SPATA21: variants seen among roughly 807,000 people sequenced by gnomAD.
SPATA21 encodes the protein spermatogenesis-associated protein 21.
A neutral mutation model predicts 54.8 loss-of-function variants in SPATA21; 47 were observed. The ratio of observed to expected loss-of-function variants is 0.86; its 90% CI spans 0.68 to 1.09. The LOEUF is 1.09. SPATA21 is among the 50% of genes least tolerant of loss of function. The probability of loss-of-function intolerance (pLI) is 0.00; values close to 1 mark genes in which losing one functional copy is unlikely to be tolerated. For missense variants in SPATA21, 599 were observed against 596.4 expected, an observed-to-expected ratio of 1.00 and a Z score of -0.05; for synonymous variants, 245 against 235.3, an observed-to-expected ratio of 1.04 and a Z score of -0.38.
intron 7 of SPATA21, among the ~76,000 whole-genome samples, chr1:16,405,493 GAAAAAAAAAAAA>G (rs538611012): frequency 1.2e-5 from 1 of 81,326 alleles, no homozygotes; most frequent in African/African-American, 5.4e-5. Flanking sequence ...AAATAAAAAT[GAAAAAAAAAAAA>G]AAAAAAAAAA....
chr1:16,407,207 C>A (rs144483884), intron 7 of SPATA21, among the ~76,000 whole-genome samples: 1 of 152,060 alleles, frequency 6.6e-6, no homozygotes, highest in South Asian at 2.1e-4. Context: ...ACCTGTCGTG[C>A]GCAGGCACAC....
chr1:16,423,281 T>A (rs1355903629), intron 3 of SPATA21, among the ~76,000 whole-genome samples: 1 of 144,896 alleles, frequency 6.9e-6, no homozygotes, highest in East Asian at 2.1e-4. Flanking sequence ...GGCGTGGTGG[T>A]ACGTGCCTGT....
intron 5 of SPATA21, chr1:16,410,656 C>A: frequency 5.0e-6 from 1 of 201,742 alleles, no homozygotes; most frequent in South Asian, 5.9e-5. Context: ...CATGATTTGC[C>A]TGCCTCAGCC....
intron 3 of SPATA21, among the ~76,000 whole-genome samples, chr1:16,424,437 T>G (rs1165434282): frequency 6.6e-6 from 1 of 151,832 alleles, no homozygotes; most frequent in Admixed American, 6.6e-5. Context: ...TTATTTTTTT[T>G]GAGACAGGGT....
intron 5 of SPATA21, among the ~76,000 whole-genome samples, chr1:16,418,449 T>C (rs577242608): frequency 6.6e-5 from 10 of 151,500 alleles, no homozygotes; most frequent in Middle Eastern, 3.4e-3. Flanking sequence ...TTTTTTTGTA[T>C]TTTTAGTAGA....
chr1:16,404,373 G>T (rs1346697918), intron 8 of SPATA21, among the ~76,000 whole-genome samples: 1 of 152,166 alleles, frequency 6.6e-6, no homozygotes, highest in Non-Finnish European at 1.5e-5. Flanking sequence ...GGGAGGCTGA[G>T]GCAGGAGAAT....
intron 1 of SPATA21, among the ~76,000 whole-genome samples, chr1:16,436,734 C>G (rs1413890437): frequency 6.6e-6 from 1 of 151,854 alleles, no homozygotes; most frequent in African/African-American, 2.4e-5. Context: ...CCACTACACG[C>G]CAGCCTGGGC....
intron 5 of SPATA21, among the ~76,000 whole-genome samples, chr1:16,412,781 A>AT (rs2085888714): frequency 6.8e-6 from 1 of 146,860 alleles, no homozygotes; most frequent in Admixed American, 6.9e-5. Flanking sequence ...CAACTTAACG[A>AT]TTTTCTTTCT....
intron 3 of SPATA21, among the ~76,000 whole-genome samples, chr1:16,424,739 C>G (rs1441157971): frequency 6.6e-6 from 1 of 151,658 alleles, no homozygotes; most frequent in African/African-American, 2.4e-5. Context: ...CAAAATCTTA[C>G]AAAGGCTCAG....
rs11810107 is a variant in SPATA21 at position 16,413,002 on chromosome 1, T to A, written c.145-2959A>T. The stretch of plus-strand genomic sequence containing the variant: ...TTTCACCATGTTGGCCAGGATGGCC[T>A]GGATCTCCTGACCTCTTGATCCGCC... On this transcript the variant is annotated intron_variant, in intron 5 of 12. Transcript: ENST00000335496. 4.7e-3 allele frequency among the ~76,000 whole-genome samples: 721 copies of A among 152,074 alleles called. 3 individuals carry two copies. The highest frequency in any genetic ancestry group is 0.017 in the African/African-American group (685 of 41,466).
chr1:16,409,633 G>A lies in SPATA21; in HGVS notation c.555C>T (p.Ser185=), dbSNP rs1409336628. ...GWRRMELLHQ[S]SERTLSYAKA... ...TGGCGTAGCTCAGGGTTCTCTCGCT[G>A]CTCTGGTGCAAGAGTTCCATCCTTC... The change falls in exon 6 of 13, where the codon AGC becomes AGT. Residue 185 remains serine, a synonymous_variant. Transcript: ENST00000335496. The surrounding 1 kb of genome is among the most constrained non-coding windows in gnomAD (Gnocchi z 4.1). 1.2e-6 allele frequency: 2 copies of A among 1,612,736 alleles called. No individual in the cohort carries two copies. Among genetic ancestry groups the A allele is most frequent in the Non-Finnish European group, 1.7e-6 (2 of 1,179,986 alleles).
chr1:16,431,419 G>C lies in SPATA21; in HGVS notation c.-48C>G. The C allele has an allele frequency of 1.2e-6, 2 of 1,610,556 alleles. No homozygotes were observed. The highest frequency in any genetic ancestry group is 1.7e-6 in the Non-Finnish European group (2 of 1,178,134). On this transcript the variant is annotated 5_prime_UTR_variant, in exon 3 of 13. Coordinates refer to ENST00000335496, the MANE Select transcript of SPATA21 (RefSeq NM_198546.1). Reference sequence around the variant, plus strand: ...CCAAGTGAGGGGCATCACCTAGTGTGCTCCTACAGGAGAAATCCAATCAAG... The same window carrying C: ...CCAAGTGAGGGGCATCACCTAGTGTCCTCCTACAGGAGAAATCCAATCAAG...
chr1:16,399,505 G>T lies in SPATA21; in HGVS notation c.1191C>A (p.Ser397Arg). 6.2e-7 allele frequency: 1 copy of T among 1,613,606 alleles called. No individual in the cohort carries two copies. The highest frequency in any genetic ancestry group is 1.3e-5 in the African/African-American group (1 of 75,048). ...KQQNYAPNLQSPYAQVPCILL... is the reference protein window; with the variant it reads ...KQQNYAPNLQRPYAQVPCILL... Reference sequence around the variant, plus strand: ...GGATGCAGGGCACCTGGGCATAGGGGCTCTGCAGGTTGGGAGCTGGTGAAG... The same window carrying T: ...GGATGCAGGGCACCTGGGCATAGGGTCTCTGCAGGTTGGGAGCTGGTGAAG... Residue 397 changes from serine (S) to arginine (R), a missense_variant, in exon 12 of 13, where the codon AGC becomes AGA. Transcript: ENST00000335496.
At chr1:16,414,403 T>C (rs2085940408) in intron 5 of SPATA21, among the ~76,000 whole-genome samples, 1 of 152,132 alleles carries the variant, frequency 6.6e-6, no homozygotes, top group South Asian at 2.1e-4. Context: ...GTTAATGGTC[T>C]AGACTTTCTG....
intron 3 of SPATA21, chr1:16,427,750 G>C (rs2086358504): frequency 8.7e-7 from 1 of 1,154,358 alleles, no homozygotes; most frequent in South Asian, 1.7e-5. Flanking sequence ...ACAAGGTGCT[G>C]TCGTGGGTGG....
chr1:16,398,067 A>T, downstream of SPATA21: 1 of 887,490 alleles, frequency 1.1e-6, no homozygotes, highest in Non-Finnish European at 1.3e-6. Context: ...CTCCCACCCC[A>T]CCCTGCACCG....
chr1:16,408,901 A>C (rs577612040), intron 7 of SPATA21, among the ~76,000 whole-genome samples: 104 of 118,646 alleles, frequency 8.8e-4, no homozygotes, highest in African/African-American at 3.0e-3. Flanking sequence ...ACCCAGCATG[A>C]GTTCTGGCCC....
At chr1:16,402,249 C>CT (rs869032281) in intron 10 of SPATA21, among the ~76,000 whole-genome samples, 5,752 of 55,932 alleles carry the variant, frequency 0.1, 1,647 homozygotes, top group African/African-American at 0.15. Context: ...AGCTGCCATT[C>CT]TTTTTTTTTT....
chr1:16,404,257 G>T (rs1458000530), intron 8 of SPATA21, among the ~76,000 whole-genome samples: 1 of 152,012 alleles, frequency 6.6e-6, no homozygotes, highest in Non-Finnish European at 1.5e-5. Flanking sequence ...ATCACCTGAG[G>T]TCAGGAGTTC....
Sources: allele counts gnomAD v4.1 joint callset (sites outside exome capture counted in the v4.1 genomes callset), GRCh38; gene constraint gnomAD v4.1.1; non-coding constraint Gnocchi (gnomAD v3.1); transcripts MANE v1.5; gene names NCBI Gene and HGNC (gene_info 2026-07-23, HGNC 2026-07-21).